The following RALGAPA2 variants were observed in gnomAD, a reference collection of about 807,000 sequenced individuals.
RALGAPA2 encodes the protein Ral GTPase activating protein catalytic subunit alpha 2.
A neutral mutation model predicts 230.4 loss-of-function variants in RALGAPA2; 139 were observed. The ratio of observed to expected loss-of-function variants is 0.60; its 90% CI spans 0.53 to 0.69. The LOEUF (loss-of-function observed/expected upper bound fraction) is 0.69. RALGAPA2 is among the 30% of genes least tolerant of loss of function. The pLI is 0.00. For synonymous variants in RALGAPA2, 847 were observed against 837.8 expected, an observed-to-expected ratio of 1.01 and a Z score of -0.19; for missense variants, 2,163 against 2,276.0, an observed-to-expected ratio of 0.95 and a Z score of 1.01.
chr20:20,573,579 C>G lies in RALGAPA2; in HGVS notation c.2708-511G>C, dbSNP rs575127815. On this transcript the variant is annotated intron_variant, in intron 20 of 39. Transcript: ENST00000202677. ...TTGAAATATGGAGGATCTCATCACT[C>G]CAAAAAGTGCCCCTTCATAATTGGT... Among the ~76,000 whole-genome samples, 4 of 152,296 alleles carry G rather than the reference C, an allele frequency of 2.6e-5. No homozygotes were observed. In the South Asian group the frequency reaches 8.3e-4, roughly 32 times the overall value.
chr20:20,527,626 G>A (rs2063250445), intron 27 of RALGAPA2, among the ~76,000 whole-genome samples: 1 of 151,806 alleles, frequency 6.6e-6, no homozygotes, highest in Admixed American at 6.6e-5. Flanking sequence ...GCTGGGTGGT[G>A]GCCCACCCCC....
intron 33 of RALGAPA2, among the ~76,000 whole-genome samples, chr20:20,509,570 G>A (rs1212544425): frequency 2.0e-5 from 3 of 152,210 alleles, no homozygotes; most frequent in African/African-American, 7.2e-5. Flanking sequence ...CAGCCATCCT[G>A]TCACATTCCC....
intron 37 of RALGAPA2, chr20:20,472,317 T>C (rs2061557896): frequency 1.3e-5 from 2 of 152,260 alleles, no homozygotes; most frequent in African/African-American, 4.8e-5. Context: ...TCTTTCCCTC[T>C]ACCCTCAACC....
intron 30 of RALGAPA2, among the ~76,000 whole-genome samples, chr20:20,523,623 AAGAC>A (rs1244881372): frequency 6.6e-6 from 1 of 152,208 alleles, no homozygotes; most frequent in Non-Finnish European, 1.5e-5. Context: ...ATAAACATTT[AAGAC>A]AGACAACCCA....
intron 1 of RALGAPA2, among the ~76,000 whole-genome samples, chr20:20,683,460 C>T (rs571095266): frequency 6.6e-5 from 10 of 152,320 alleles, no homozygotes; most frequent in African/African-American, 2.2e-4. Context: ...AACTTCACTG[C>T]ACACCACTCT....
rs757622480 is a variant in RALGAPA2 at position 20,495,113 on chromosome 20, G to A, written c.5367+4C>T. 17 of 1,596,074 alleles carry A rather than the reference G, an allele frequency of 1.1e-5. No individual in the cohort carries two copies. The highest frequency in any genetic ancestry group is 2.7e-5 in the African/African-American group (2 of 74,622). ...GTCAGTACAACAATGCAATGAAAAC[G>A]TACCTCAGGTTTCTTCGTTATCGCG... On this transcript the variant is annotated splice_donor_region_variant and intron_variant, in intron 36 of 39. Coordinates refer to ENST00000202677, the MANE Select transcript of RALGAPA2 (RefSeq NM_020343.4).
chr20:20,568,765 A>G (rs2064530611), intron 23 of RALGAPA2, among the ~76,000 whole-genome samples: 2 of 152,230 alleles, frequency 1.3e-5, no homozygotes, highest in Non-Finnish European at 2.9e-5. Context: ...ATGAACCACA[A>G]AGCTGCGTCG....
At chr20:20,677,181 G>C (rs1187886175) in intron 2 of RALGAPA2, among the ~76,000 whole-genome samples, 1 of 152,206 alleles carries the variant, frequency 6.6e-6, no homozygotes, top group Non-Finnish European at 1.5e-5. Flanking sequence ...ATTCTGGCAG[G>C]AGGGGGCATT....
At chr20:20,693,139 T>C (rs966074620) in intron 1 of RALGAPA2, among the ~76,000 whole-genome samples, 1 of 152,312 alleles carries the variant, frequency 6.6e-6, no homozygotes, top group African/African-American at 2.4e-5. Flanking sequence ...ATCAGATAAA[T>C]AGTAACACTC....
intron 38 of RALGAPA2, among the ~76,000 whole-genome samples, chr20:20,401,550 G>A (rs560829816): frequency 6.6e-6 from 1 of 152,112 alleles, no homozygotes; most frequent in East Asian, 1.9e-4. Flanking sequence ...GGGCAGTGAG[G>A]TGGGATTACT....
At chr20:20,665,069 T>G (rs1003792208) in intron 3 of RALGAPA2, among the ~76,000 whole-genome samples, 2 of 152,084 alleles carry the variant, frequency 1.3e-5, no homozygotes, top group African/African-American at 4.8e-5. Context: ...TTTGTACAAC[T>G]CTCTCCTAAA....
chr20:20,476,095 A>G (rs536833876), intron 36 of RALGAPA2, among the ~76,000 whole-genome samples: 22 of 152,318 alleles, frequency 1.4e-4, no homozygotes, highest in Non-Finnish European at 2.6e-4. Context: ...ATAAATGGAA[A>G]GATGTACAAT....
intron 1 of RALGAPA2, among the ~76,000 whole-genome samples, chr20:20,701,694 C>A (rs1403869777): frequency 6.6e-6 from 1 of 151,948 alleles, no homozygotes; most frequent in Non-Finnish European, 1.5e-5. Flanking sequence ...TGTGCCACTG[C>A]ACTCCAGCCT....
At chr20:20,412,203 T>A (rs2060076603) in intron 37 of RALGAPA2, 55 bp from the exon 38 acceptor site, 3 of 1,601,964 alleles carry the variant, frequency 1.9e-6, no homozygotes, top group Non-Finnish European at 2.6e-6. Context: ...TGCAGAGCAG[T>A]GACAGAATTC....
In RALGAPA2 at chr20:20,526,357, G is replaced by T; in HGVS notation, c.3588C>A (p.Pro1196=). 6.3e-7 allele frequency: 1 copy of T among 1,588,014 alleles called. No homozygotes were observed. Among genetic ancestry groups the T allele is most frequent in the Non-Finnish European group, 8.6e-7 (1 of 1,168,926 alleles). Residue 1196 remains proline (P), a synonymous_variant, in exon 28 of 40, where the codon CCC becomes CCA. Transcript: ENST00000202677. The part of the protein sequence containing the change: ...INVIGVTLKF[P]NKIVAQVACD... ...AAGCTACCTGGGCCACGATTTTGTT[G>T]GGAAACTATAAAAGGAAACCGAATC...
At chr20:20,659,653 A>C in intron 3 of RALGAPA2, 1 of 311,590 alleles carries the variant, frequency 3.2e-6, no homozygotes, top group Non-Finnish European at 6.2e-6. Context: ...AACATAAGAC[A>C]ACATCCTAAA....
Position 20,639,347 on chromosome 20 carries a change from T to C in RALGAPA2, c.666+438A>G, listed in dbSNP as rs184540793. On this transcript the variant is annotated intron_variant, in intron 7 of 39. Transcript: ENST00000202677. ...CCTATTAAAATCATAAACCAGTTAC[T>C]TCAGTTCTGTAGGCAATTGGTGCAT... Among the ~76,000 whole-genome samples, 647 of 152,320 alleles carry C rather than the reference T, an allele frequency of 4.2e-3. 4 individuals carry two copies. The highest frequency in any genetic ancestry group is 0.015 in the African/African-American group (615 of 41,562).
chr20:20,631,719 T>G (rs2066678522), intron 9 of RALGAPA2, among the ~76,000 whole-genome samples: 3 of 152,232 alleles, frequency 2.0e-5, no homozygotes, highest in Admixed American at 2.0e-4. Context: ...ACATTAAGTT[T>G]GTGAGAATCT....
chr20:20,697,711 G>T (rs986837972), intron 1 of RALGAPA2, among the ~76,000 whole-genome samples: 2 of 152,202 alleles, frequency 1.3e-5, no homozygotes, highest in Admixed American at 6.5e-5. Context: ...GTTACTAGCT[G>T]CCAGGACATG....
Sources: allele counts gnomAD v4.1 joint callset (sites outside exome capture counted in the v4.1 genomes callset), GRCh38; gene constraint gnomAD v4.1.1; transcripts MANE v1.5; gene names NCBI Gene and HGNC (gene_info 2026-07-23, HGNC 2026-07-21).